The following TM9SF3 variants were observed in gnomAD, a reference collection of about 807,000 sequenced individuals.
The protein encoded by TM9SF3 is SM-11044-binding protein.
TM9SF3 carries 14 observed loss-of-function variants against 78.6 expected under a neutral mutation model. The observed-to-expected ratio is 0.18, with a 90% CI of 0.12 to 0.28. The LOEUF (loss-of-function observed/expected upper bound fraction) is 0.28, where lower values mean the gene tolerates loss of function less well. Ranked by LOEUF, TM9SF3 falls within the 10% of genes least tolerant of loss-of-function variation. The pLI is 1.00. For missense variants in TM9SF3, 496 were observed against 721.9 expected (o/e 0.69, Z 3.59); for synonymous variants, 231 against 241.7 (o/e 0.96, Z 0.41).
In TM9SF3 at chr10:96,551,236, G is replaced by A. The variant is rs768712415; in HGVS notation, c.959+9C>T. 8.1e-6 allele frequency: 13 copies of A among 1,595,494 alleles called. No individual in the cohort carries two copies. The highest frequency in any genetic ancestry group is 1.1e-5 in the Non-Finnish European group (13 of 1,169,122). ...TAAAGACATAATACAGTTAAGTGTA[G>A]GCACTTACTCAGTATATAAATCTTC... On this transcript the variant is annotated intron_variant, in intron 7 of 14. Transcript: ENST00000371142.
At chr10:96,559,565 C>T in intron 5 of TM9SF3, 94 bp downstream of exon 5, 2 of 847,952 alleles carry the variant, frequency 2.4e-6, no homozygotes, top group Non-Finnish European at 3.5e-6. Flanking sequence ...AATCCACAGT[C>T]CTCAACACAG....
chr10:96,543,351 T>TTTTTTTTTC, intron 9 of TM9SF3, among the ~76,000 whole-genome samples: 1 of 150,478 alleles, frequency 6.6e-6, no homozygotes, highest in Admixed American at 6.6e-5. Flanking sequence ...ATTCTTTTTT[T>TTTTTTTTTC]TGAGATGGAG....
At chr10:96,551,439 G>C (rs1848168481) in intron 6 of TM9SF3, 28 bp from the exon 7 acceptor site, 1 of 1,431,864 alleles carries the variant, frequency 7.0e-7, no homozygotes, top group African/African-American at 1.5e-5. Context: ...TATAGAGAGA[G>C]AAAAGCAAAT....
chr10:96,542,335 G>A (rs548164982), intron 9 of TM9SF3, among the ~76,000 whole-genome samples: 1 of 152,186 alleles, frequency 6.6e-6, no homozygotes, highest in Non-Finnish European at 1.5e-5. Context: ...TAATATTGTA[G>A]GAGCCTGCCA....
chr10:96,560,927 C>T lies in TM9SF3; in HGVS notation c.582+1051G>A, dbSNP rs1239335158. The T allele has an allele frequency of 8.1e-6, 4 of 495,216 alleles. No homozygotes were observed. The Admixed American group carries it at 1.0e-4, about 12-fold the overall frequency. 30.7% of individuals were successfully genotyped at this position (495,216 alleles called of 1,614,324 possible). On this transcript the variant is annotated intron_variant, in intron 4 of 14. Transcript: ENST00000371142. ...GCAAGTATACAAAAAGTGCATTGAA[C>T]AGTTCAGGGCACTACTGGTAAATTA... is the stretch of plus-strand genomic sequence containing the variant.
At chr10:96,530,136 T>C (rs1048812475) in intron 11 of TM9SF3, among the ~76,000 whole-genome samples, 1 of 152,172 alleles carries the variant, frequency 6.6e-6, no homozygotes, top group Non-Finnish European at 1.5e-5. Flanking sequence ...GAAATGACTA[T>C]GCATCAAAAG....
In TM9SF3 at chr10:96,521,974, G is replaced by A. The variant is rs1341462066; in HGVS notation, c.*289C>T. On this transcript the variant is annotated 3_prime_UTR_variant, in exon 15 of 15. Transcript: ENST00000371142. ...TTGTCCTCTTCACTGAAGAGAGCTG[G>A]TCTATTTCATCTTTAATGAGCTAGT... The A allele has an allele frequency of 1.1e-5, 4 of 355,842 alleles. No homozygotes were observed. The highest frequency in any genetic ancestry group is 2.0e-5 in the Non-Finnish European group (4 of 197,626). 22.0% of individuals were successfully genotyped at this position (355,842 alleles called of 1,614,324 possible).
At chr10:96,564,726 G>C (rs1050672836) in intron 3 of TM9SF3, among the ~76,000 whole-genome samples, 4 of 152,194 alleles carry the variant, frequency 2.6e-5, no homozygotes, top group African/African-American at 7.2e-5. Context: ...TATTGGCCAT[G>C]ACAGCTGGCT....
chr10:96,580,426 C>T (rs1272554231), intron 1 of TM9SF3, among the ~76,000 whole-genome samples: 4 of 152,058 alleles, frequency 2.6e-5, no homozygotes, highest in Non-Finnish European at 2.9e-5. Context: ...CCACCACACC[C>T]GGCTAATTTT....
chr10:96,533,382 T>C (rs1232643069), intron 9 of TM9SF3, among the ~76,000 whole-genome samples, 192 bp from the exon 10 acceptor site: 1 of 152,200 alleles, frequency 6.6e-6, no homozygotes, highest in African/African-American at 2.4e-5. Flanking sequence ...CTAAACTGAA[T>C]ACAAGTTGAA....
chr10:96,527,541 T>C (rs1394854127), intron 12 of TM9SF3, 45 bp from the exon 13 acceptor site: 6 of 1,461,072 alleles, frequency 4.1e-6, no homozygotes, highest in Non-Finnish European at 5.7e-6. Context: ...TTTGAATGAA[T>C]GGCACTAAAA....
intron 10 of TM9SF3, 31 bp from the exon 11 acceptor site, chr10:96,530,639 C>A: frequency 6.4e-7 from 1 of 1,568,266 alleles, no homozygotes; most frequent in East Asian, 2.3e-5. Flanking sequence ...TAGTAAACTT[C>A]TAGTATGATT....
intron 1 of TM9SF3, among the ~76,000 whole-genome samples, chr10:96,580,808 T>TA (rs1490933734): frequency 6.6e-6 from 1 of 152,122 alleles, no homozygotes; most frequent in African/African-American, 2.4e-5. Context: ...TATGAACACT[T>TA]AAATAATCAT....
At chr10:96,527,566 CAAAGA>C in intron 12 of TM9SF3, 70 bp from the exon 13 acceptor site, 1 of 1,261,218 alleles carries the variant, frequency 7.9e-7, no homozygotes, top group Non-Finnish European at 1.1e-6. Context: ...GATTTTAAAG[CAAAGA>C]ATTTAATAAA....
intron 8 of TM9SF3, 100 bp from the exon 9 acceptor site, chr10:96,544,306 T>C: frequency 1.8e-6 from 2 of 1,104,202 alleles, no homozygotes; most frequent in East Asian, 2.8e-5. Context: ...AACATCTTAA[T>C]AATTTCTTCA....
At chr10:96,546,555 T>C (rs2091865657) in intron 8 of TM9SF3, among the ~76,000 whole-genome samples, 1 of 152,210 alleles carries the variant, frequency 6.6e-6, no homozygotes, top group South Asian at 2.1e-4. Flanking sequence ...TTGCCTCATG[T>C]GTCCTTATTT....
chr10:96,525,841 CAA>C (rs886170423), intron 14 of TM9SF3, among the ~76,000 whole-genome samples: 1 of 151,500 alleles, frequency 6.6e-6, no homozygotes, highest in East Asian at 1.9e-4. Context: ...ACACTGAGCC[CAA>C]AAAAAAGTGA....
intron 9 of TM9SF3, among the ~76,000 whole-genome samples, chr10:96,540,794 T>TTTTTA (rs1848019555): frequency 1.6e-5 from 2 of 122,838 alleles, no homozygotes; most frequent in Non-Finnish European, 3.6e-5. Context: ...TTTTTTTTTT[T>TTTTTA]GAGATGGAGT....
chr10:96,586,242 A>C (rs1191804116), intron 1 of TM9SF3, among the ~76,000 whole-genome samples: 2 of 152,218 alleles, frequency 1.3e-5, no homozygotes, highest in Non-Finnish European at 1.5e-5. Flanking sequence ...AGCGGGCGAT[A>C]AAAGCCAAAG....
Sources: allele counts gnomAD v4.1 joint callset (sites outside exome capture counted in the v4.1 genomes callset), GRCh38; gene constraint gnomAD v4.1.1; transcripts MANE v1.5; gene names NCBI Gene and HGNC (gene_info 2026-07-23, HGNC 2026-07-21).